GPAT4: variants seen among roughly 807,000 people sequenced by gnomAD.
The protein encoded by GPAT4 is 1-AGP acyltransferase 6.
A neutral mutation model predicts 58.0 loss-of-function variants in GPAT4; 17 were observed. The ratio of observed to expected loss-of-function variants is 0.29; its 90% CI spans 0.20 to 0.44. The LOEUF (loss-of-function observed/expected upper bound fraction) is 0.44. GPAT4 is among the 20% of genes least tolerant of loss of function. The pLI is 1.00. For synonymous variants in GPAT4, 204 were observed against 210.1 expected (o/e 0.97, Z 0.25); for missense variants, 377 against 574.5 (o/e 0.66, Z 3.51).
chr8:41,590,227 C>T (rs538469515), intron 1 of GPAT4, among the ~76,000 whole-genome samples: 1 of 152,138 alleles, frequency 6.6e-6, no homozygotes, highest in African/African-American at 2.4e-5. Context: ...GTTGAGATTA[C>T]AGGCATGCGC....
chr8:41,618,838 G>T, intron 11 of GPAT4, 26 bp downstream of exon 11: 1 of 1,614,258 alleles, frequency 6.2e-7, no homozygotes, highest in African/African-American at 1.3e-5. Flanking sequence ...AGGCAGGTCT[G>T]CGCCTGCTCT....
In GPAT4 at chr8:41,620,929, G is replaced by T; in HGVS notation, c.1299G>T (p.Thr433=). The T allele has an allele frequency of 6.4e-7, 1 of 1,551,716 alleles. No individual in the cohort carries two copies. The highest frequency in any genetic ancestry group is 8.7e-7 in the Non-Finnish European group (1 of 1,147,370). Residue 433 remains threonine (T), a synonymous_variant, in exon 13 of 13, where the codon ACG becomes ACT. Transcript: ENST00000396987. ...TGAAGAGGGAGAAGGTGAAGGACAC[G>T]TTCAAGGAGGAGCAGCAGAAGCTGT... ...GGLKREKVKD[T]FKEEQQKLYS...
chr8:41,613,254 C>T (rs1245941896), intron 8 of GPAT4, among the ~76,000 whole-genome samples: 1 of 151,936 alleles, frequency 6.6e-6, no homozygotes, highest in African/African-American at 2.4e-5. Context: ...AAATTATTGA[C>T]GGGCATCTGT....
intron 2 of GPAT4, among the ~76,000 whole-genome samples, chr8:41,602,304 T>G (rs895228631): frequency 3.9e-5 from 6 of 152,158 alleles, no homozygotes; most frequent in Non-Finnish European, 1.5e-5. Context: ...CATATGTATA[T>G]TTGTGACCTC....
intron 2 of GPAT4, among the ~76,000 whole-genome samples, chr8:41,607,626 C>A (rs891158890): frequency 2.6e-5 from 4 of 151,554 alleles, no homozygotes; most frequent in East Asian, 1.9e-4. Context: ...GCAGCCTCAA[C>A]GTCCCCTGGC....
rs545218757 is a variant in GPAT4, at chr8:41,612,008, A to G, written c.701+16A>G. 1.1e-5 allele frequency: 17 copies of G among 1,613,708 alleles called. 1 individual carries two copies. The South Asian group carries it at 1.6e-4, about 16-fold the overall frequency. On this transcript the variant is annotated intron_variant, in intron 6 of 12. Coordinates refer to ENST00000396987, the MANE Select transcript of GPAT4 (RefSeq NM_178819.4). Reference sequence around the variant, plus strand: ...ACCATGACAGGTGAGAGCGCTTTGTATTGATAGGAAGGGAGATGGCGCTGC... The same window carrying G: ...ACCATGACAGGTGAGAGCGCTTTGTGTTGATAGGAAGGGAGATGGCGCTGC...
intron 1 of GPAT4, among the ~76,000 whole-genome samples, chr8:41,588,654 A>ACAGT (rs1401198334): frequency 6.6e-6 from 1 of 152,168 alleles, no homozygotes; most frequent in East Asian, 1.9e-4. Context: ...TTCACCGCTG[A>ACAGT]ACAACAGCTA....
At position 41,621,028 on chromosome 8, in the gene GPAT4, C is replaced by T. The variant is rs765294235; in HGVS notation, c.*27C>T. The T allele has an allele frequency of 9.0e-6, 14 of 1,550,106 alleles. No individual in the cohort carries two copies. The highest frequency in any genetic ancestry group is 7.8e-5 in the Admixed American group (4 of 50,986). Reference sequence around the variant, plus strand: ...CCTGCCTCCAGCTGGCTGGGGCCACCGTGCGGGGTGCCAACGGGCTCAGAG... The same window carrying T: ...CCTGCCTCCAGCTGGCTGGGGCCACTGTGCGGGGTGCCAACGGGCTCAGAG... On this transcript the variant is annotated 3_prime_UTR_variant, in exon 13 of 13. Transcript: ENST00000396987.
intron 1 of GPAT4, among the ~76,000 whole-genome samples, chr8:41,591,740 T>C (rs976291612): frequency 3.9e-5 from 6 of 152,246 alleles, no homozygotes; most frequent in African/African-American, 1.2e-4. Context: ...CACACTTGCA[T>C]TGGCACATGT....
intron 12 of GPAT4, 132 bp from the exon 13 acceptor site, chr8:41,620,761 T>G: frequency 4.9e-6 from 7 of 1,428,296 alleles, no homozygotes; most frequent in Non-Finnish European, 6.5e-6. Flanking sequence ...GTTGTCTTGG[T>G]GAGAGTGCCA....
chr8:41,600,054 T>TTC (rs1554502471), intron 2 of GPAT4, among the ~76,000 whole-genome samples: 1 of 144,958 alleles, frequency 6.9e-6, no homozygotes, highest in Non-Finnish European at 1.5e-5. Context: ...TTTTTTTTTT[T>TTC]CGAGACAAGA....
chr8:41,619,417 T>A (rs2150508288), intron 12 of GPAT4: 1 of 185,818 alleles, frequency 5.4e-6, no homozygotes, highest in Admixed American at 5.3e-5. Context: ...ACTTTTTCTG[T>A]AGTCAGTAAA....
chr8:41,594,560 T>TTC (rs1222166276), intron 1 of GPAT4, among the ~76,000 whole-genome samples: 4 of 150,994 alleles, frequency 2.6e-5, no homozygotes, highest in Non-Finnish European at 5.9e-5. Flanking sequence ...TTTTTTTTTT[T>TTC]TTTGAGATGG....
chr8:41,621,504 G>T lies in GPAT4; in HGVS notation c.*503G>T, dbSNP rs1197510446. 1.3e-5 allele frequency: 2 copies of T among 154,478 alleles called. No homozygotes were observed. The highest frequency in any genetic ancestry group is 2.9e-5 in the Non-Finnish European group (2 of 69,578). The allele number at this position is 154,478 out of a possible 1,614,324, so 9.6% of individuals were successfully genotyped here. On this transcript the variant is annotated 3_prime_UTR_variant, in exon 13 of 13. Transcript: ENST00000396987. Reference sequence around the variant, plus strand: ...TGGAGCTCTGCAGACATGATAGGAAGGAAACTGTCATCTGCAGGGGCTTTC... The same window carrying T: ...TGGAGCTCTGCAGACATGATAGGAATGAAACTGTCATCTGCAGGGGCTTTC...
chr8:41,598,542 ACT>A lies in GPAT4; in HGVS notation c.-593_-592del, dbSNP rs1256189227. On this transcript the variant is annotated 5_prime_UTR_variant, in exon 2 of 13. An upstream open reading frame in the 5' UTR loses its in-frame stop. Transcript: ENST00000396987. Reference sequence around the variant, plus strand: ...CAGAGGAGGATGGGGCCAGATATGAACTCTCTACCATGAACATGGTTCTCGGC... The same window carrying A: ...CAGAGGAGGATGGGGCCAGATATGAACTCTACCATGAACATGGTTCTCGGC... The A allele has an allele frequency of 6.6e-6, 1 of 152,218 alleles. No homozygotes were observed. The highest frequency in any genetic ancestry group is 1.5e-5 in the Non-Finnish European group (1 of 68,058). 9.4% of individuals were successfully genotyped at this position (152,218 alleles called of 1,614,324 possible).
intron 1 of GPAT4, among the ~76,000 whole-genome samples, chr8:41,587,472 A>G (rs1802686107): frequency 2.0e-5 from 3 of 152,218 alleles, no homozygotes; most frequent in South Asian, 2.1e-4. Context: ...ATTACAGACA[A>G]TGCCGCAGTC....
intron 12 of GPAT4, 119 bp downstream of exon 12, chr8:41,619,096 C>T: frequency 4.0e-6 from 5 of 1,236,396 alleles, no homozygotes; most frequent in Non-Finnish European, 5.7e-6. Context: ...CTAGAGAGAG[C>T]AGTTTGACTC....
At chr8:41,579,962 G>A (rs750665806) in intron 1 of GPAT4, among the ~76,000 whole-genome samples, 4 of 152,194 alleles carry the variant, frequency 2.6e-5, no homozygotes, top group Non-Finnish European at 4.4e-5. Context: ...CTTGTCCAGA[G>A]CTGCAGGTCT....
At chr8:41,581,983 A>T in intron 1 of GPAT4, among the ~76,000 whole-genome samples, 2 of 135,328 alleles carry the variant, frequency 1.5e-5, no homozygotes, top group East Asian at 2.2e-4. Flanking sequence ...AAATCAAGGG[A>T]AGTTCAATGA....
Sources: gnomAD v4.1 joint callset for allele counts (sites outside exome capture counted in the v4.1 genomes callset) on GRCh38, gnomAD v4.1.1 for gene constraint, MANE v1.5 for transcripts, NCBI Gene and HGNC (gene_info 2026-07-23, HGNC 2026-07-21) for gene names.